Variants in SBF2 observed in about 807,000 individuals in gnomAD.
SBF2 encodes SET binding factor 2.
In SBF2, 112 loss-of-function variants were observed where a neutral mutation model predicts 225.2. The ratio of observed to expected loss-of-function variants is 0.50; its 90% CI spans 0.43 to 0.58. SBF2 has a LOEUF of 0.58. Ranked by LOEUF, SBF2 falls within the 20% of genes least tolerant of loss-of-function variation. The pLI is 0.00. For missense variants in SBF2, 1,996 were observed against 2,206.2 expected, an observed-to-expected ratio of 0.90 and a Z score of 1.91; for synonymous variants, 763 against 773.3, an observed-to-expected ratio of 0.99 and a Z score of 0.22.
At chr11:9,878,894 C>T (rs568851493) in intron 17 of SBF2, among the ~76,000 whole-genome samples, 137 of 152,278 alleles carry the variant, frequency 9.0e-4, no homozygotes, top group Non-Finnish European at 1.8e-3. Flanking sequence ...GCTTTCATCT[C>T]CCCAACACTT....
chr11:10,086,497 T>C (rs1214955205), intron 2 of SBF2, among the ~76,000 whole-genome samples: 1 of 152,204 alleles, frequency 6.6e-6, no homozygotes, highest in African/African-American at 2.4e-5. Context: ...CTTGGCTTCA[T>C]TCTGAATTCT....
At chr11:10,178,011 C>G (rs1956548770) in intron 2 of SBF2, among the ~76,000 whole-genome samples, 2 of 147,462 alleles carry the variant, frequency 1.4e-5, no homozygotes, top group South Asian at 4.2e-4. Context: ...ATCAATGGAA[C>G]AGAACAGAGC....
At chr11:10,273,248 G>C (rs908896574) in intron 1 of SBF2, among the ~76,000 whole-genome samples, 2 of 152,140 alleles carry the variant, frequency 1.3e-5, no homozygotes, top group African/African-American at 4.8e-5. Flanking sequence ...TCAAATGAAA[G>C]GGATAGGACA....
At chr11:10,228,747 T>A (rs1440624501) in intron 1 of SBF2, among the ~76,000 whole-genome samples, 1 of 152,240 alleles carries the variant, frequency 6.6e-6, no homozygotes, top group Non-Finnish European at 1.5e-5. Context: ...GATTTTTGCA[T>A]CAATGTTCAT....
chr11:10,006,884 T>C (rs1385142631), intron 6 of SBF2, among the ~76,000 whole-genome samples: 3 of 152,164 alleles, frequency 2.0e-5, no homozygotes, highest in Non-Finnish European at 4.4e-5. Flanking sequence ...GAAATGGGAA[T>C]CTGAGAAAAG....
intron 16 of SBF2, chr11:9,929,042 G>C: frequency 2.2e-6 from 1 of 449,144 alleles, no homozygotes; most frequent in South Asian, 1.8e-5. Context: ...GCTTGTTCAA[G>C]AAGTTTTGCA....
At chr11:10,223,491 C>A (rs1304669248) in intron 1 of SBF2, among the ~76,000 whole-genome samples, 2 of 136,180 alleles carry the variant, frequency 1.5e-5, no homozygotes, top group Non-Finnish European at 3.1e-5. Context: ...GTTTTAAAAT[C>A]ATAAGGGAGA....
At chr11:10,108,610 C>T (rs1053785707) in intron 2 of SBF2, among the ~76,000 whole-genome samples, 3 of 150,132 alleles carry the variant, frequency 2.0e-5, no homozygotes, top group African/African-American at 4.9e-5. Context: ...CTGCAAGCTC[C>T]GCCTCCCGGG....
chr11:9,912,560 C>A (rs895534016), intron 16 of SBF2, among the ~76,000 whole-genome samples: 2 of 152,280 alleles, frequency 1.3e-5, no homozygotes, highest in South Asian at 2.1e-4. Flanking sequence ...CCAGCCTGGG[C>A]AAACATAGCA....
chr11:10,064,868 C>T (rs1455132006), intron 2 of SBF2, among the ~76,000 whole-genome samples: 6 of 152,050 alleles, frequency 3.9e-5, no homozygotes, highest in South Asian at 2.1e-4. Flanking sequence ...ACAGATAGAA[C>T]GAATAGAAAA....
chr11:10,148,414 C>CT (rs1292866562), intron 2 of SBF2, among the ~76,000 whole-genome samples: 3 of 152,164 alleles, frequency 2.0e-5, no homozygotes, highest in Non-Finnish European at 4.4e-5. Flanking sequence ...TGGGGGCTAT[C>CT]TGAGTCTATC....
chr11:10,084,034 A>T (rs1334318167), intron 2 of SBF2, among the ~76,000 whole-genome samples: 4 of 152,240 alleles, frequency 2.6e-5, no homozygotes, highest in Admixed American at 2.0e-4. Flanking sequence ...TATGCACAGC[A>T]AAAGAAATAA....
chr11:9,917,766 G>A (rs572252782), intron 16 of SBF2, among the ~76,000 whole-genome samples: 3 of 150,920 alleles, frequency 2.0e-5, no homozygotes, highest in East Asian at 1.9e-4. Context: ...AAGCACCACT[G>A]GAATCTGTAT....
At chr11:10,179,861 T>C (rs1471228601) in intron 2 of SBF2, among the ~76,000 whole-genome samples, 1 of 152,154 alleles carries the variant, frequency 6.6e-6, no homozygotes, top group Non-Finnish European at 1.5e-5. Context: ...CCCTTTTGTT[T>C]TGTGTGTATT....
intron 28 of SBF2, among the ~76,000 whole-genome samples, chr11:9,821,190 TGTTTATTCTC>T (rs1854732507): frequency 6.6e-6 from 1 of 152,212 alleles, no homozygotes; most frequent in African/African-American, 2.4e-5. Context: ...CACCTAATCA[TGTTTATTCTC>T]GTATCCATGC....
intron 5 of SBF2, among the ~76,000 whole-genome samples, chr11:10,029,459 A>G (rs1483946891): frequency 1.3e-5 from 2 of 152,192 alleles, no homozygotes; most frequent in Admixed American, 6.5e-5. Flanking sequence ...AGAACATTTA[A>G]AAGTTCAACT....
chr11:10,136,495 G>A (rs1332448278), intron 2 of SBF2, among the ~76,000 whole-genome samples: 2 of 152,162 alleles, frequency 1.3e-5, no homozygotes, highest in East Asian at 3.8e-4. Context: ...ACACACTGAA[G>A]CCTCCACAAA....
intron 6 of SBF2, among the ~76,000 whole-genome samples, chr11:10,018,549 C>A (rs1406297858): frequency 6.6e-6 from 1 of 152,112 alleles, no homozygotes; most frequent in Non-Finnish European, 1.5e-5. Context: ...TGCCTTAGAG[C>A]ATTTACATTC....
intron 1 of SBF2, among the ~76,000 whole-genome samples, chr11:10,197,445 T>C (rs1348355250): frequency 1.3e-5 from 2 of 152,246 alleles, no homozygotes; most frequent in Admixed American, 1.3e-4. Flanking sequence ...GCCTAAAAGA[T>C]GTACATGCTT....
Sources: allele counts gnomAD v4.1 joint callset (sites outside exome capture counted in the v4.1 genomes callset), GRCh38; gene constraint gnomAD v4.1.1; transcripts MANE v1.5; gene names NCBI Gene and HGNC (gene_info 2026-07-23, HGNC 2026-07-21).